FOXO3: variants seen among roughly 807,000 people sequenced by gnomAD.
FOXO3 encodes the protein forkhead box protein O3.
A neutral mutation model predicts 41.9 loss-of-function variants in FOXO3; 4 were observed. The ratio of observed to expected loss-of-function variants is 0.10; its 90% confidence interval spans 0.05 to 0.22. The LOEUF (loss-of-function observed/expected upper bound fraction) is 0.22, where lower values mean the gene tolerates loss of function less well. Among genes scored for constraint, FOXO3 ranks in the 10% least tolerant of loss-of-function variants. The pLI is 1.00. For synonymous variants in FOXO3, 318 were observed against 389.3 expected (o/e 0.82, Z 2.16); for missense variants, 534 against 906.8 (o/e 0.59, Z 5.28).
intron 1 of FOXO3, among the ~76,000 whole-genome samples, chr6:108,616,522 C>T (rs546043513): frequency 1.3e-5 from 2 of 152,154 alleles, no homozygotes; most frequent in East Asian, 3.9e-4. Flanking sequence ...GGTCTCAACT[C>T]CTGGCCTCAA....
At chr6:108,604,528 C>T (rs566822998) in intron 1 of FOXO3, among the ~76,000 whole-genome samples, 62 of 152,108 alleles carry the variant, frequency 4.1e-4, no homozygotes, top group Non-Finnish European at 8.4e-4. Context: ...ACTTCTGACA[C>T]TGACATTTGT....
At chr6:108,606,402 C>T (rs1777201805) in intron 1 of FOXO3, among the ~76,000 whole-genome samples, 2 of 152,158 alleles carry the variant, frequency 1.3e-5, no homozygotes, top group South Asian at 4.1e-4. Context: ...GTAATCAGGC[C>T]TCTGCAATTG....
intron 1 of FOXO3, among the ~76,000 whole-genome samples, chr6:108,585,057 C>CA (rs1473890723): frequency 3.1e-4 from 7 of 22,226 alleles, no homozygotes; most frequent in Admixed American, 1.7e-3. Flanking sequence ...TTTTTTGAGA[C>CA]AGAGTCTCGC....
intron 1 of FOXO3, among the ~76,000 whole-genome samples, chr6:108,578,196 A>G (rs1776314019): frequency 1.3e-5 from 2 of 152,214 alleles, no homozygotes; most frequent in African/African-American, 4.8e-5. Context: ...ACGTAGGAAC[A>G]TCACGCAGAT....
At chr6:108,673,743 T>C (rs1169565848) in intron 2 of FOXO3, among the ~76,000 whole-genome samples, 1 of 152,056 alleles carries the variant, frequency 6.6e-6, no homozygotes, top group Non-Finnish European at 1.5e-5. Context: ...ACTCCTATCA[T>C]TCATCCCTGC....
chr6:108,565,554 C>G (rs911524527), intron 1 of FOXO3, among the ~76,000 whole-genome samples: 7 of 152,154 alleles, frequency 4.6e-5, no homozygotes, highest in African/African-American at 1.4e-4. Flanking sequence ...TCCCATGGGT[C>G]AGGGTGTAAT....
At chr6:108,604,838 G>A (rs921737315) in intron 1 of FOXO3, among the ~76,000 whole-genome samples, 20 of 152,104 alleles carry the variant, frequency 1.3e-4, no homozygotes, top group African/African-American at 4.6e-4. Flanking sequence ...GCATCTGAAT[G>A]TCATGAGTTT....
intron 1 of FOXO3, among the ~76,000 whole-genome samples, chr6:108,595,805 G>A (rs899309911): frequency 1.3e-5 from 2 of 152,170 alleles, no homozygotes; most frequent in African/African-American, 4.8e-5. Flanking sequence ...GTGTTTGCAC[G>A]TGGTTATGAG....
At chr6:108,654,654 G>T (rs929760162) in intron 1 of FOXO3, among the ~76,000 whole-genome samples, 6 of 152,006 alleles carry the variant, frequency 3.9e-5, no homozygotes, top group Non-Finnish European at 5.9e-5. Context: ...GTTATCGTCA[G>T]CAGTTTAACG....
At chr6:108,656,810 G>A (rs907993807) in intron 1 of FOXO3, among the ~76,000 whole-genome samples, 3 of 152,204 alleles carry the variant, frequency 2.0e-5, no homozygotes, top group Non-Finnish European at 4.4e-5. Flanking sequence ...CAACCAGTTA[G>A]CATGTATGTA....
At chr6:108,650,916 G>A (rs1210944129) in intron 1 of FOXO3, among the ~76,000 whole-genome samples, 3 of 152,036 alleles carry the variant, frequency 2.0e-5, no homozygotes, top group Non-Finnish European at 4.4e-5. Flanking sequence ...AGTTGACTTG[G>A]TCAGCATTTC....
chr6:108,608,433 T>G (rs929625597), intron 1 of FOXO3, among the ~76,000 whole-genome samples: 2 of 152,238 alleles, frequency 1.3e-5, no homozygotes, highest in Non-Finnish European at 2.9e-5. Context: ...GAACATGAAC[T>G]GGATTGGAGG....
chr6:108,609,421 G>C (rs1777296758), intron 1 of FOXO3, among the ~76,000 whole-genome samples: 1 of 152,152 alleles, frequency 6.6e-6, no homozygotes, highest in South Asian at 2.1e-4. Context: ...TCTAGGCCAG[G>C]TTTAGATGTT....
At chr6:108,643,934 C>T (rs1017799160) in intron 1 of FOXO3, among the ~76,000 whole-genome samples, 2 of 152,232 alleles carry the variant, frequency 1.3e-5, no homozygotes, top group African/African-American at 4.8e-5. Flanking sequence ...TGTACCATCC[C>T]CAAGATAGTA....
At chr6:108,612,776 C>G (rs1777400261) in intron 1 of FOXO3, among the ~76,000 whole-genome samples, 1 of 152,058 alleles carries the variant, frequency 6.6e-6, no homozygotes, top group Non-Finnish European at 1.5e-5. Flanking sequence ...TGGCCAGGAC[C>G]TCCAATACAT....
At chr6:108,644,676 T>C (rs1403303472) in intron 1 of FOXO3, among the ~76,000 whole-genome samples, 4 of 152,156 alleles carry the variant, frequency 2.6e-5, no homozygotes, top group African/African-American at 9.6e-5. Context: ...ATTTCCTCTC[T>C]AGGTACACCC....
chr6:108,593,533 A>G (rs140916492), intron 1 of FOXO3, among the ~76,000 whole-genome samples: 475 of 151,540 alleles, frequency 3.1e-3, no homozygotes, highest in Middle Eastern at 6.8e-3. Context: ...GCCTGCCACC[A>G]TACCCAGCTC....
intron 1 of FOXO3, among the ~76,000 whole-genome samples, chr6:108,570,239 TCTGC>T (rs1776062735): frequency 1.3e-5 from 2 of 152,156 alleles, no homozygotes; most frequent in Non-Finnish European, 2.9e-5. Context: ...GACCTCATGA[TCTGC>T]CTGCCTCGGC....
chr6:108,636,149 G>A (rs1778115155), intron 1 of FOXO3, among the ~76,000 whole-genome samples: 1 of 152,306 alleles, frequency 6.6e-6, no homozygotes, highest in African/African-American at 2.4e-5. Context: ...CTGTGCCTCT[G>A]CCTGCTTCTG....
Sources: gnomAD v4.1 joint callset for allele counts (sites outside exome capture counted in the v4.1 genomes callset) on GRCh38, gnomAD v4.1.1 for gene constraint, MANE v1.5 for transcripts, NCBI Gene and HGNC (gene_info 2026-07-23, HGNC 2026-07-21) for gene names.